The following SPAG16 variants were observed in gnomAD, a reference collection of about 807,000 sequenced individuals.
SPAG16 encodes sperm-associated antigen 16 protein.
A neutral mutation model predicts 80.4 loss-of-function variants in SPAG16; 86 were observed. That is an observed-to-expected ratio of 1.07 (90% CI 0.90 to 1.28). The LOEUF (loss-of-function observed/expected upper bound fraction) is 1.28, where lower values mean the gene tolerates loss of function less well. Among genes scored for constraint, SPAG16 ranks in the 50% most tolerant of loss-of-function variants. The pLI, the probability that SPAG16 is intolerant of heterozygous loss-of-function variation, is 0.00. For missense variants in SPAG16, 870 were observed against 765.3 expected, an observed-to-expected ratio of 1.14 and a Z score of -1.61; for synonymous variants, 294 against 265.9, an observed-to-expected ratio of 1.11 and a Z score of -1.03.
At chr2:213,479,703 C>T (rs2073647474) in intron 9 of SPAG16, among the ~76,000 whole-genome samples, 1 of 152,196 alleles carries the variant, frequency 6.6e-6, no homozygotes, top group Non-Finnish European at 1.5e-5. Flanking sequence ...CGGTCCTCTA[C>T]AGCCATCACC....
chr2:213,761,114 A>G (rs2125520939), intron 10 of SPAG16, among the ~76,000 whole-genome samples: 1 of 152,358 alleles, frequency 6.6e-6, no homozygotes, highest in Middle Eastern at 3.4e-3. Flanking sequence ...TTAGAAATCA[A>G]TATAAATAAA....
At chr2:213,421,387 G>A (rs2125438317) in intron 9 of SPAG16, among the ~76,000 whole-genome samples, 1 of 152,348 alleles carries the variant, frequency 6.6e-6, no homozygotes, top group South Asian at 2.1e-4. Flanking sequence ...GAGGCCAAAG[G>A]GGTACTGAGG....
intron 15 of SPAG16, among the ~76,000 whole-genome samples, chr2:214,378,375 A>G (rs1392009256): frequency 1.3e-5 from 2 of 152,172 alleles, no homozygotes; most frequent in Non-Finnish European, 1.5e-5. Flanking sequence ...GATGTCTAAC[A>G]TGGGGCAGAA....
At chr2:213,298,170 TA>T (rs2062586422) in intron 3 of SPAG16, among the ~76,000 whole-genome samples, 2 of 152,138 alleles carry the variant, frequency 1.3e-5, no homozygotes, top group African/African-American at 4.8e-5. Flanking sequence ...AAAATTGGAA[TA>T]AAAGCTCTAG....
At chr2:214,189,387 C>T (rs1374578592) in intron 15 of SPAG16, among the ~76,000 whole-genome samples, 1 of 151,668 alleles carries the variant, frequency 6.6e-6, no homozygotes, top group Admixed American at 6.6e-5. Flanking sequence ...TTTTTCATGT[C>T]AGCTAGGTTT....
chr2:213,405,447 C>A (rs1303409780), intron 9 of SPAG16, among the ~76,000 whole-genome samples: 1 of 152,112 alleles, frequency 6.6e-6, no homozygotes, highest in Non-Finnish European at 1.5e-5. Context: ...ATATCCATCA[C>A]CTCAAACATT....
intron 10 of SPAG16, among the ~76,000 whole-genome samples, chr2:213,689,500 AAACTTAG>A (rs1180097730): frequency 7.1e-6 from 1 of 140,826 alleles, no homozygotes; most frequent in Non-Finnish European, 1.5e-5. Context: ...TCTTGATTTT[AAACTTAG>A]AACAGAATTT....
At chr2:214,388,827 C>G (rs967905884) in intron 15 of SPAG16, among the ~76,000 whole-genome samples, 2 of 152,148 alleles carry the variant, frequency 1.3e-5, no homozygotes, top group Admixed American at 1.3e-4. Flanking sequence ...ATATTGGTTT[C>G]TGAAATTCTG....
At chr2:213,761,546 G>A (rs1399112750) in intron 10 of SPAG16, among the ~76,000 whole-genome samples, 1 of 152,030 alleles carries the variant, frequency 6.6e-6, no homozygotes, top group African/African-American at 2.4e-5. Context: ...AAAGATTCAA[G>A]TAACAAAGTC....
intron 11 of SPAG16, among the ~76,000 whole-genome samples, chr2:213,917,286 T>A (rs539965626): frequency 1.3e-5 from 2 of 152,266 alleles, no homozygotes; most frequent in African/African-American, 2.4e-5. Flanking sequence ...ATAGGAATTT[T>A]AAAATATTTT....
intron 8 of SPAG16, among the ~76,000 whole-genome samples, chr2:213,372,997 A>G (rs542211720): frequency 6.6e-6 from 1 of 152,292 alleles, no homozygotes; most frequent in African/African-American, 2.4e-5. Context: ...TCTATAAATG[A>G]AAGTGTGTTT....
At chr2:213,486,084 T>C (rs140744090) in intron 9 of SPAG16, among the ~76,000 whole-genome samples, 1 of 152,268 alleles carries the variant, frequency 6.6e-6, no homozygotes, top group African/African-American at 2.4e-5. Context: ...ATGTTTGAAT[T>C]ATTCTCTTCT....
chr2:213,573,800 C>T (rs1027788653), intron 10 of SPAG16, among the ~76,000 whole-genome samples: 1 of 152,106 alleles, frequency 6.6e-6, no homozygotes, highest in African/African-American at 2.4e-5. Flanking sequence ...TCTAAGCACT[C>T]CCAGAAGCTT....
At chr2:213,380,466 A>G (rs1292275876) in intron 9 of SPAG16, among the ~76,000 whole-genome samples, 1 of 152,192 alleles carries the variant, frequency 6.6e-6, no homozygotes, top group African/African-American at 2.4e-5. Flanking sequence ...CCACTTCCTC[A>G]TGTAACTTAC....
intron 8 of SPAG16, among the ~76,000 whole-genome samples, chr2:213,368,126 T>C (rs1247614466): frequency 6.6e-6 from 1 of 152,074 alleles, no homozygotes; most frequent in East Asian, 1.9e-4. Flanking sequence ...CTGAGGGCTC[T>C]GTTCTGTTCC....
chr2:213,821,176 T>C (rs1334572807), intron 10 of SPAG16, among the ~76,000 whole-genome samples: 1 of 152,156 alleles, frequency 6.6e-6, no homozygotes, highest in East Asian at 1.9e-4. Flanking sequence ...TCTATTTTTA[T>C]GAATTTGTGA....
intron 14 of SPAG16, among the ~76,000 whole-genome samples, chr2:214,141,696 G>C (rs1271418869): frequency 1.3e-5 from 2 of 151,746 alleles, no homozygotes; most frequent in Non-Finnish European, 2.9e-5. Flanking sequence ...TTTTCCCCCG[G>C]TACAATGAGG....
Position 214,247,553 on chromosome 2 carries a change from A to T in SPAG16, c.1720+98287A>T, listed in dbSNP as rs753134601. ...GAGTGTGACTTTAAAAGCTAATCAT[A>T]CAAAGTATGTAGTTATATACTTTGG... On this transcript the variant is annotated intron_variant, in intron 15 of 15. Transcript: ENST00000331683. 7.9e-5 allele frequency among the ~76,000 whole-genome samples: 12 copies of T among 152,342 alleles called. No homozygotes were observed. In the Middle Eastern group the frequency reaches 0.01, roughly 130 times the overall value.
rs146282086 is a variant in SPAG16, at chr2:214,262,542, A to G, written c.1720+113276A>G. Among the ~76,000 whole-genome samples, 513 of 152,234 alleles carry G rather than the reference A, an allele frequency of 3.4e-3. 1 individual carries two copies. The highest frequency in any genetic ancestry group is 0.012 in the African/African-American group (497 of 41,578). On this transcript the variant is annotated intron_variant, in intron 15 of 15. Coordinates refer to ENST00000331683, the MANE Select transcript of SPAG16 (RefSeq NM_024532.5). ...TTTGTATAGCTTCCATGCTACACAC[A>G]AACTAATCATTCAAAGTTTTCTCAG...
Sources: allele counts gnomAD v4.1 joint callset (sites outside exome capture counted in the v4.1 genomes callset), GRCh38; gene constraint gnomAD v4.1.1; transcripts MANE v1.5; gene names NCBI Gene and HGNC (gene_info 2026-07-23, HGNC 2026-07-21).